The following ITSN2 variants were observed in gnomAD, a reference collection of about 807,000 sequenced individuals.
ITSN2 encodes the protein intersectin 2, also known as intersectin-2.
Under a neutral mutation model 243.7 loss-of-function variants are expected in ITSN2, and 156 were observed. The observed-to-expected ratio is 0.64, with a 90% confidence interval of 0.56 to 0.73. The LOEUF (loss-of-function observed/expected upper bound fraction) is 0.73. Among genes scored for constraint, ITSN2 ranks in the 30% least tolerant of loss-of-function variants. The pLI is 0.00. For missense variants in ITSN2, 1,801 were observed against 1,996.1 expected (o/e 0.90, Z 1.86); for synonymous variants, 703 against 699.9 (o/e 1.00, Z -0.07).
chr2:24,292,785 C>T (rs1350065711), intron 15 of ITSN2, among the ~76,000 whole-genome samples: 1 of 152,180 alleles, frequency 6.6e-6, no homozygotes, highest in Admixed American at 6.5e-5. Context: ...ACCACACTGC[C>T]TAGAATCAGC....
intron 13 of ITSN2, among the ~76,000 whole-genome samples, chr2:24,298,031 C>CAG (rs1681205006): frequency 3.3e-5 from 5 of 151,194 alleles, no homozygotes; most frequent in Non-Finnish European, 5.9e-5. Context: ...GTTACCTAGG[C>CAG]TGGAGTGCAG....
intron 35 of ITSN2, 36 bp from the exon 36 acceptor site, chr2:24,209,257 T>C (rs772408639): frequency 4.3e-6 from 7 of 1,609,542 alleles, no homozygotes; most frequent in Non-Finnish European, 5.1e-6. Context: ...GGCTGTGAGA[T>C]GGGCTAGAAC....
At chr2:24,302,235 G>A (rs1681863671) in intron 9 of ITSN2, 133 bp from the exon 10 acceptor site, 2 of 435,624 alleles carry the variant, frequency 4.6e-6, no homozygotes, top group Non-Finnish European at 6.9e-6. Flanking sequence ...GTCTAGCTCT[G>A]TCGCTCAACC....
intron 1 of ITSN2, among the ~76,000 whole-genome samples, chr2:24,353,774 A>C (rs1363618134): frequency 1.3e-5 from 2 of 152,206 alleles, no homozygotes; most frequent in Admixed American, 6.5e-5. Flanking sequence ...ATTTCTGGGA[A>C]TCTGTCATAA....
chr2:24,210,056 CTT>C, intron 34 of ITSN2, 23 bp from the exon 35 acceptor site: 1 of 1,581,722 alleles, frequency 6.3e-7, no homozygotes, highest in South Asian at 1.1e-5. Context: ...GAAAATTTCA[CTT>C]TTTAAATCCC....
At chr2:24,246,929 T>C (rs1673451667) in intron 27 of ITSN2, 36 bp from the exon 28 acceptor site, 1 of 1,328,520 alleles carries the variant, frequency 7.5e-7, no homozygotes, top group South Asian at 1.2e-5. Context: ...AATTGAAAGA[T>C]GAGATTAAAA....
chr2:24,261,787 C>T, intron 20 of ITSN2, 45 bp from the exon 21 acceptor site: 1 of 1,405,588 alleles, frequency 7.1e-7, no homozygotes, highest in African/African-American at 1.4e-5. Context: ...GAAATTCACA[C>T]ATTTACAATG....
rs1558650509 is a variant in ITSN2 at position 24,337,331 on chromosome 2, T to TATATATATACAC, written c.-33-9217_-33-9216insGTGTATATATAT. On this transcript the variant is annotated intron_variant, in intron 1 of 39. Transcript: ENST00000355123. Reference sequence around the variant, plus strand: ...TATACACAAAATATATATATATATATATATATATATATATATATATATGTA... The same window carrying TATATATATACAC: ...TATACACAAAATATATATATATATATATATATATACACATATATATATATATATATATATGTA... Among the ~76,000 whole-genome samples the TATATATATACAC allele has an allele frequency of 3.9e-3, 12 of 3,064 alleles. 2 individuals carry two copies. The highest frequency in any genetic ancestry group is 9.8e-3 in the African/African-American group (10 of 1,020). The allele number at this position is 3,064 out of a possible 152,430, so 2.0% of individuals were successfully genotyped here.
intron 22 of ITSN2, among the ~76,000 whole-genome samples, chr2:24,259,983 AT>A (rs1199108931): frequency 6.6e-6 from 1 of 152,178 alleles, no homozygotes; most frequent in Non-Finnish European, 1.5e-5. Flanking sequence ...GTACAGTGAT[AT>A]GATCATAATT....
chr2:24,216,026 C>T (rs565379131), intron 32 of ITSN2, 23 bp downstream of exon 32: 21 of 1,543,506 alleles, frequency 1.4e-5, no homozygotes, highest in Admixed American at 3.7e-5. Flanking sequence ...GAGCCTGACC[C>T]GCAAGGCCCA....
chr2:24,351,073 C>A (rs1296127423), intron 1 of ITSN2, among the ~76,000 whole-genome samples: 1 of 152,062 alleles, frequency 6.6e-6, no homozygotes, highest in Non-Finnish European at 1.5e-5. Context: ...CTCTATCTTC[C>A]GCCTACCCTA....
chr2:24,326,901 A>G (rs907594507), intron 2 of ITSN2, among the ~76,000 whole-genome samples: 34 of 152,208 alleles, frequency 2.2e-4, no homozygotes, highest in African/African-American at 8.0e-4. Context: ...CAAGTTTAAA[A>G]AACAACTGAT....
chr2:24,336,869 G>A (rs552092618), intron 1 of ITSN2, among the ~76,000 whole-genome samples: 1 of 152,152 alleles, frequency 6.6e-6, no homozygotes, highest in South Asian at 2.1e-4. Flanking sequence ...AACATTTGCT[G>A]AACAAATGAA....
At chr2:24,359,329 T>A (rs999244950) in intron 1 of ITSN2, among the ~76,000 whole-genome samples, 1 of 152,190 alleles carries the variant, frequency 6.6e-6, no homozygotes, top group African/African-American at 2.4e-5. Flanking sequence ...AAATTTCAAG[T>A]CACACCTTGC....
At position 24,337,315 on chromosome 2, in the gene ITSN2, A is replaced by AATATATATATATATACATATATATATAT. The variant is rs70944741; in HGVS notation, c.-33-9201_-33-9200insATATATATATATGTATATATATATATAT. ...TGTGTGTGTGTGTGTGTATACACAAAATATATATATATATATATATATATA... is the reference window on the plus strand; with the variant it reads ...TGTGTGTGTGTGTGTGTATACACAAAATATATATATATATACATATATATATATATATATATATATATATATATATATA... On this transcript the variant is annotated intron_variant, in intron 1 of 39. Transcript: ENST00000355123. Among the ~76,000 whole-genome samples, 202 of 31,982 alleles carry AATATATATATATATACATATATATATAT rather than the reference A, an allele frequency of 6.3e-3. 54 individuals carry two copies. The highest frequency in any genetic ancestry group is 0.019 in the Middle Eastern group (1 of 54). 21.0% of individuals were successfully genotyped at this position (31,982 alleles called of 152,430 possible). A position where few individuals can be genotyped will look rare whatever the true frequency, so the allele number is the denominator to read the frequency against.
chr2:24,271,223 T>A (rs1677302697), intron 19 of ITSN2, among the ~76,000 whole-genome samples: 1 of 152,330 alleles, frequency 6.6e-6, no homozygotes, highest in East Asian at 1.9e-4. Flanking sequence ...TCAGAATGGT[T>A]CTAAAAGGAA....
intron 3 of ITSN2, among the ~76,000 whole-genome samples, chr2:24,314,217 G>A (rs969196790): frequency 3.3e-5 from 5 of 152,208 alleles, no homozygotes. Flanking sequence ...TGCTAGTTAT[G>A]CTGTTAGTCA....
At chr2:24,215,921 T>G in intron 32 of ITSN2, 128 bp downstream of exon 32, 1 of 606,166 alleles carries the variant, frequency 1.6e-6, no homozygotes. Flanking sequence ...TCTCTGCCGT[T>G]TTGGTGTTTC....
In ITSN2 at chr2:24,225,179, C is replaced by T. The variant is rs1363780515; in HGVS notation, c.3578-4113G>A. Among the ~76,000 whole-genome samples, 1 of 152,106 alleles carries T rather than the reference C, an allele frequency of 6.6e-6. No homozygotes were observed. The highest frequency in any genetic ancestry group is 2.4e-5 in the African/African-American group (1 of 41,398). On this transcript the variant is annotated intron_variant, in intron 29 of 39. Transcript: ENST00000355123. The surrounding 1 kb of genome is among the most constrained non-coding windows in gnomAD (Gnocchi z 4.2). The stretch of plus-strand genomic sequence containing the variant: ...TCCCTTTCCTTCACGCTTCTATGTT[C>T]ACTCTTCGCCATTTCCTTCTTAGCC...
Sources: allele counts gnomAD v4.1 joint callset (sites outside exome capture counted in the v4.1 genomes callset), GRCh38; gene constraint gnomAD v4.1.1; non-coding constraint Gnocchi (gnomAD v3.1); transcripts MANE v1.5; gene names NCBI Gene and HGNC (gene_info 2026-07-23, HGNC 2026-07-21).